PPM1D: variants seen among roughly 807,000 people sequenced by gnomAD.
PPM1D encodes protein phosphatase 1D.
In PPM1D, 52 loss-of-function variants were observed where a neutral mutation model predicts 58.3. The observed-to-expected ratio is 0.89, with a 90% confidence interval of 0.71 to 1.12. The LOEUF is 1.12. Ranked by LOEUF, PPM1D falls within the 50% of genes most tolerant of loss-of-function variation. PPM1D has a pLI of 0.00. For missense variants in PPM1D, 564 were observed against 777.2 expected, an observed-to-expected ratio of 0.73 and a Z score of 3.26; for synonymous variants, 278 against 285.1, an observed-to-expected ratio of 0.98 and a Z score of 0.25.
chr17:60,625,048 A>G (rs2030778854), intron 2 of PPM1D, among the ~76,000 whole-genome samples: 1 of 151,948 alleles, frequency 6.6e-6, no homozygotes, highest in Non-Finnish European at 1.5e-5. Context: ...AGGCTGAGGC[A>G]GGAGAATTGC....
At chr17:60,629,319 C>A (rs1488411007) in intron 2 of PPM1D, among the ~76,000 whole-genome samples, 1 of 152,112 alleles carries the variant, frequency 6.6e-6, no homozygotes. Context: ...GTTTCTGTGA[C>A]ACATGAAGCT....
chr17:60,601,910 T>TC (rs1366785252), intron 1 of PPM1D, among the ~76,000 whole-genome samples: 2 of 152,226 alleles, frequency 1.3e-5, no homozygotes, highest in Admixed American at 1.3e-4. Context: ...AGACAATACT[T>TC]CCAGTGGTGG....
intron 3 of PPM1D, among the ~76,000 whole-genome samples, chr17:60,645,884 T>G (rs1373332706): frequency 2.0e-5 from 3 of 151,956 alleles, no homozygotes; most frequent in Non-Finnish European, 4.4e-5. Flanking sequence ...GGCTCATACT[T>G]GTAATCCCAG....
chr17:60,664,148 A>G lies in PPM1D; in HGVS notation c.*596A>G, dbSNP rs1412102610. On this transcript the variant is annotated 3_prime_UTR_variant, in exon 6 of 6. Coordinates refer to ENST00000305921, the MANE Select transcript of PPM1D (RefSeq NM_003620.4). Reference sequence around the variant, plus strand: ...TACAGTTAGTCTTGTCCCAATTAAAATACTATGCAGTATCTCTTACATCAG... The same window carrying G: ...TACAGTTAGTCTTGTCCCAATTAAAGTACTATGCAGTATCTCTTACATCAG... 1 of 153,162 alleles carries G rather than the reference A, an allele frequency of 6.5e-6. No homozygotes were observed. Among genetic ancestry groups the G allele is most frequent in the Non-Finnish European group, 1.5e-5 (1 of 68,440 alleles). 9.5% of individuals were successfully genotyped at this position (153,162 alleles called of 1,614,324 possible). A position where few individuals can be genotyped will look rare whatever the true frequency, so the allele number is the denominator to read the frequency against.
chr17:60,654,202 T>G (rs2031392620), intron 4 of PPM1D, among the ~76,000 whole-genome samples: 1 of 151,782 alleles, frequency 6.6e-6, no homozygotes, highest in South Asian at 2.1e-4. Flanking sequence ...TATACTTATT[T>G]TTGTTGGGTT....
At chr17:60,644,486 C>A (rs1567974191) in intron 3 of PPM1D, among the ~76,000 whole-genome samples, 1 of 152,062 alleles carries the variant, frequency 6.6e-6, no homozygotes, top group Non-Finnish European at 1.5e-5. Context: ...ATTATTGTGA[C>A]AACTGGGAAG....
intron 5 of PPM1D, among the ~76,000 whole-genome samples, chr17:60,657,846 T>C (rs936184073): frequency 6.6e-6 from 1 of 152,140 alleles, no homozygotes; most frequent in Non-Finnish European, 1.5e-5. Context: ...TTCAGGTGAT[T>C]CTCCTGCCTC....
In PPM1D at chr17:60,614,851, G is replaced by A. The variant is rs1373042995; in HGVS notation, c.473-8670G>A. 5.3e-5 allele frequency among the ~76,000 whole-genome samples: 8 copies of A among 151,994 alleles called. No homozygotes were observed. In the East Asian group the frequency reaches 1.2e-3, roughly 22 times the overall value. Reference sequence around the variant, plus strand: ...GAACCCACCAGAAGGAAGAAACTCCGAACACATCCGAACATCAGAAGGAAC... The same window carrying A: ...GAACCCACCAGAAGGAAGAAACTCCAAACACATCCGAACATCAGAAGGAAC... On this transcript the variant is annotated intron_variant, in intron 1 of 5. Transcript: ENST00000305921.
Position 60,614,636 on chromosome 17 carries a change from T to A in PPM1D, c.473-8885T>A, listed in dbSNP as rs112457149. ...TTTTGCCCTTTGCAATAAATCTTGC[T>A]GCTGCTCACTGGGTCCACACTGTCT... On this transcript the variant is annotated intron_variant, in intron 1 of 5. Coordinates refer to ENST00000305921, the MANE Select transcript of PPM1D (RefSeq NM_003620.4). 2.4e-3 allele frequency among the ~76,000 whole-genome samples: 368 copies of A among 152,278 alleles called. 1 individual carries two copies. Among genetic ancestry groups the A allele is most frequent in the African/African-American group, 7.8e-3 (323 of 41,558 alleles).
At chr17:60,615,588 TC>T (rs1233236650) in intron 1 of PPM1D, among the ~76,000 whole-genome samples, 1 of 152,064 alleles carries the variant, frequency 6.6e-6, no homozygotes, top group Non-Finnish European at 1.5e-5. Context: ...TAGTGCAGTT[TC>T]AATCAGAATC....
rs2030190384 is a variant in PPM1D at position 60,600,708 on chromosome 17, G to A, written c.294G>A (p.Val98=). The A allele has an allele frequency of 6.2e-7, 1 of 1,607,124 alleles. No individual in the cohort carries two copies. The highest frequency in any genetic ancestry group is 1.3e-5 in the African/African-American group (1 of 74,370). ...PSRCCRRRSS[V]AFFAVCDGHG... ...GCTGCTGCCGCCGCCGTTCCTCCGT[G>A]GCCTTTTTCGCCGTGTGCGACGGGC... The change falls in exon 1 of 6, where the codon GTG becomes GTA. Residue 98 remains valine (V), a synonymous_variant. Transcript: ENST00000305921.
chr17:60,609,536 G>A (rs750039311), intron 1 of PPM1D, among the ~76,000 whole-genome samples: 1 of 152,176 alleles, frequency 6.6e-6, no homozygotes, highest in African/African-American at 2.4e-5. Context: ...TAAACAATTT[G>A]TAAGTTTAAC....
chr17:60,656,909 A>G, intron 5 of PPM1D, 68 bp downstream of exon 5: 1 of 1,607,980 alleles, frequency 6.2e-7, no homozygotes, highest in South Asian at 1.1e-5. Context: ...CGTCACCTGG[A>G]AACAATTTTT....
At chr17:60,630,844 A>G (rs2030906633) in intron 2 of PPM1D, among the ~76,000 whole-genome samples, 1 of 152,228 alleles carries the variant, frequency 6.6e-6, no homozygotes, top group East Asian at 1.9e-4. Flanking sequence ...AGCAAAGAAT[A>G]ATAGAGCTTT....
chr17:60,630,145 C>T (rs58781520), intron 2 of PPM1D, among the ~76,000 whole-genome samples: 3,600 of 152,084 alleles, frequency 0.024, 148 homozygotes, highest in African/African-American at 0.083. Flanking sequence ...TGAGACCAAC[C>T]TGTTCAACAT....
intron 3 of PPM1D, among the ~76,000 whole-genome samples, chr17:60,643,226 C>A (rs968587114): frequency 1.3e-5 from 2 of 151,480 alleles, no homozygotes; most frequent in Admixed American, 6.6e-5. Context: ...GAAAAAAATA[C>A]AAAAAAATTA....
At chr17:60,607,700 T>C (rs2030360568) in intron 1 of PPM1D, among the ~76,000 whole-genome samples, 1 of 152,240 alleles carries the variant, frequency 6.6e-6, no homozygotes, top group South Asian at 2.1e-4. Context: ...AGATGGTGAA[T>C]GAAGTGCAGC....
chr17:60,645,518 A>G (rs1175401180), intron 3 of PPM1D, among the ~76,000 whole-genome samples: 4 of 133,666 alleles, frequency 3.0e-5, no homozygotes, highest in Admixed American at 7.9e-5. Flanking sequence ...ATGTGTATAT[A>G]TATGTATATA....
intron 1 of PPM1D, among the ~76,000 whole-genome samples, chr17:60,611,700 T>C (rs1230473235): frequency 1.3e-5 from 2 of 152,200 alleles, no homozygotes; most frequent in Admixed American, 6.5e-5. Context: ...ATTGTAGGTG[T>C]GAGCTGCCAC....
Sources: gnomAD v4.1 joint callset for allele counts (sites outside exome capture counted in the v4.1 genomes callset) on GRCh38, gnomAD v4.1.1 for gene constraint, MANE v1.5 for transcripts, NCBI Gene and HGNC (gene_info 2026-07-23, HGNC 2026-07-21) for gene names.